CPEB1: variants seen among roughly 807,000 people sequenced by gnomAD.
CPEB1 encodes cytoplasmic polyadenylation element-binding protein 1.
Under a neutral mutation model 65.8 loss-of-function variants are expected in CPEB1, and 7 were observed. The ratio of observed to expected loss-of-function variants is 0.11; its 90% CI spans 0.06 to 0.20. The LOEUF is 0.20. Among genes scored for constraint, CPEB1 ranks in the 10% least tolerant of loss-of-function variants. The pLI is 1.00. For missense variants in CPEB1, 551 were observed against 712.2 expected (o/e 0.77, Z 2.58); for synonymous variants, 262 against 260.0 (o/e 1.01, Z -0.08).
Position 82,619,783 on chromosome 15 carries a change from T to C in CPEB1, c.271+7410A>G, listed in dbSNP as rs146000228. Among the ~76,000 whole-genome samples, 463 of 152,160 alleles carry C rather than the reference T, an allele frequency of 3.0e-3. 4 individuals carry two copies. The highest frequency in any genetic ancestry group is 0.01 in the African/African-American group (429 of 41,518). ...GCTAAAATGAAAGACAATACAATTA[T>C]TGATGAGGATATGAAACAACCCAAA... On this transcript the variant is annotated intron_variant, in intron 3 of 12. Transcript: ENST00000684509.
At chr15:82,647,599 C>T (rs587691720), upstream of CPEB1, 186 of 325,776 alleles carry the variant, frequency 5.7e-4, no homozygotes, top group Non-Finnish European at 5.9e-4. Flanking sequence ...GCTCGGAGGC[C>T]CCACCGGCCG....
rs182518037 is a variant in CPEB1, at chr15:82,644,798, G to A, written c.-98+2339C>T. Among the ~76,000 whole-genome samples the A allele has an allele frequency of 8.7e-3, 1,320 of 152,274 alleles. 14 individuals carry two copies. Among genetic ancestry groups the A allele is most frequent in the African/African-American group, 0.03 (1,255 of 41,558 alleles). On this transcript the variant is annotated intron_variant, in intron 1 of 12. Transcript: ENST00000684509. ...GTTTGCAACCCATTTTAAAGACTAA[G>A]AATAAAACTAATGGTTGTGCTCAGT...
intron 1 of CPEB1, chr15:82,629,347 T>C (rs1207762328): frequency 1.3e-5 from 13 of 984,928 alleles, no homozygotes; most frequent in Non-Finnish European, 1.6e-5. Context: ...CCACCCAAAC[T>C]GATTAAGTTA....
intron 3 of CPEB1, among the ~76,000 whole-genome samples, chr15:82,613,285 A>C (rs2044354545): frequency 6.6e-6 from 1 of 152,244 alleles, no homozygotes; most frequent in Non-Finnish European, 1.5e-5. Context: ...TTATTCCTAC[A>C]TCTATAGAAT....
At chr15:82,554,115 A>G in intron 6 of CPEB1, 124 bp from the exon 7 acceptor site, 1 of 578,886 alleles carries the variant, frequency 1.7e-6, no homozygotes, top group Non-Finnish European at 3.0e-6. Flanking sequence ...GATGCCTGAG[A>G]GAATATCCAT....
chr15:82,627,860 T>A (rs1034642563), intron 2 of CPEB1, among the ~76,000 whole-genome samples: 6 of 152,224 alleles, frequency 3.9e-5, no homozygotes, highest in African/African-American at 7.2e-5. Flanking sequence ...GGACTTTTTT[T>A]AATATATTAA....
At position 82,546,493 on chromosome 15, in the gene CPEB1, G is replaced by A; in HGVS notation, c.1604C>T (p.Ser535Phe). The A allele has an allele frequency of 1.2e-6, 2 of 1,614,044 alleles. No homozygotes were observed. Among genetic ancestry groups the A allele is most frequent in the Non-Finnish European group, 1.7e-6 (2 of 1,179,924 alleles). The change falls in exon 12 of 13, where the codon TCT becomes TTT. Residue 535 changes from serine (S) to phenylalanine (F), a missense_variant. Physicochemically the swap from Ser to Phe is radical, Grantham distance 155 (BLOSUM62 -2). Coordinates refer to ENST00000684509, the MANE Select transcript of CPEB1 (RefSeq NM_001365242.1). Reference protein sequence around the residue: ...KVQIDPYLEDSLCHICSSQPG... With the variant: ...KVQIDPYLEDFLCHICSSQPG... ...CTGAGAACTGCAGATATGACACAGA[G>A]AATCTTCTAGGTAGGGGTCAATCTG...
chr15:82,613,815 G>C (rs983330543), intron 3 of CPEB1, among the ~76,000 whole-genome samples: 1 of 152,048 alleles, frequency 6.6e-6, no homozygotes, highest in African/African-American at 2.4e-5. Flanking sequence ...CCCCCGGGGA[G>C]AGAGACACTC....
At chr15:82,642,083 T>C (rs1200070339) in intron 1 of CPEB1, among the ~76,000 whole-genome samples, 1 of 152,240 alleles carries the variant, frequency 6.6e-6, no homozygotes, top group African/African-American at 2.4e-5. Flanking sequence ...TAGTTTACTA[T>C]AATTGAGAAA....
At chr15:82,623,644 C>A (rs572379373) in intron 3 of CPEB1, among the ~76,000 whole-genome samples, 128 of 152,252 alleles carry the variant, frequency 8.4e-4, no homozygotes, top group African/African-American at 3.0e-3. Context: ...CCACTGCACT[C>A]CAGCCTGGAC....
intron 3 of CPEB1, among the ~76,000 whole-genome samples, chr15:82,613,546 C>G (rs973364656): frequency 6.6e-6 from 1 of 152,024 alleles, no homozygotes; most frequent in Admixed American, 6.6e-5. Flanking sequence ...CCACCACACC[C>G]GGCTTTTCAT....
chr15:82,584,242 C>T, intron 3 of CPEB1, among the ~76,000 whole-genome samples: 1 of 109,958 alleles, frequency 9.1e-6, no homozygotes. Flanking sequence ...CTGGGTGACA[C>T]AGCGAGACTC....
intron 3 of CPEB1, among the ~76,000 whole-genome samples, chr15:82,576,966 A>C (rs2040715001): frequency 6.6e-6 from 1 of 152,176 alleles, no homozygotes; most frequent in South Asian, 2.1e-4. Context: ...CAGAGGATGC[A>C]GTGAGCTGAG....
At chr15:82,607,017 GACAAGGAAATTAAAGAA>G (rs2043677940) in intron 3 of CPEB1, among the ~76,000 whole-genome samples, 1 of 151,540 alleles carries the variant, frequency 6.6e-6, no homozygotes, top group African/African-American at 2.4e-5. Context: ...AAATTAAAGA[GACAAGGAAATTAAAGAA>G]ACAAGGAAAT....
chr15:82,584,306 C>G (rs186495239), intron 3 of CPEB1, among the ~76,000 whole-genome samples: 33 of 142,994 alleles, frequency 2.3e-4, no homozygotes, highest in African/African-American at 8.5e-4. Flanking sequence ...TTAAACATCA[C>G]TGAACGTGAA....
chr15:82,553,374 G>T (rs763928629), intron 8 of CPEB1, 93 bp downstream of exon 8: 92 of 905,548 alleles, frequency 1.0e-4, no homozygotes, highest in Non-Finnish European at 1.6e-4. Context: ...CCAACATGCA[G>T]CTGTGACATC....
At chr15:82,619,024 A>T (rs2045037729) in intron 3 of CPEB1, among the ~76,000 whole-genome samples, 1 of 152,252 alleles carries the variant, frequency 6.6e-6, no homozygotes, top group African/African-American at 2.4e-5. Flanking sequence ...GAATCCAAAA[A>T]GACAAAGTTG....
chr15:82,563,185 G>A (rs1262521314), intron 4 of CPEB1, among the ~76,000 whole-genome samples: 1 of 152,104 alleles, frequency 6.6e-6, no homozygotes, highest in Admixed American at 6.5e-5. Flanking sequence ...AGGAGCAAGG[G>A]CCTACTTAGA....
chr15:82,550,945 T>C (rs1457969672), intron 9 of CPEB1, among the ~76,000 whole-genome samples: 1 of 152,016 alleles, frequency 6.6e-6, no homozygotes, highest in Non-Finnish European at 1.5e-5. Context: ...GGAGACAGGA[T>C]GGTGTCTACA....
Sources: gnomAD v4.1 joint callset for allele counts (sites outside exome capture counted in the v4.1 genomes callset) on GRCh38, gnomAD v4.1.1 for gene constraint, MANE v1.5 for transcripts, NCBI Gene and HGNC (gene_info 2026-07-23, HGNC 2026-07-21) for gene names.